The following SULT1C3 variants were observed in gnomAD, a reference collection of about 807,000 sequenced individuals.
The protein encoded by SULT1C3 is sulfotransferase 1C3.
A neutral mutation model predicts 28.4 loss-of-function variants in SULT1C3; 31 were observed. That is an observed-to-expected ratio of 1.09 (90% CI 0.82 to 1.47). The LOEUF is 1.47. Among genes scored for constraint, SULT1C3 ranks in the 40% most tolerant of loss-of-function variants. The pLI is 0.00. For synonymous variants in SULT1C3, 106 were observed against 92.2 expected (o/e 1.15, Z -0.86); for missense variants, 307 against 272.5 (o/e 1.13, Z -0.89).
intron 2 of SULT1C3, 37 bp from the exon 3 acceptor site, chr2:108,252,327 AT>A: frequency 2.6e-6 from 4 of 1,565,332 alleles, no homozygotes; most frequent in Non-Finnish European, 3.5e-6. Context: ...TGAAAGTTCA[AT>A]TGACTAAAAT....
intron 1 of SULT1C3, among the ~76,000 whole-genome samples, chr2:108,240,585 C>A (rs560730142): frequency 2.6e-5 from 4 of 152,274 alleles, no homozygotes; most frequent in Admixed American, 2.6e-4. Context: ...TATTACCTGG[C>A]AGAATTTGCA....
rs183770611 is a variant in SULT1C3 at position 108,244,174 on chromosome 2, A to C, written c.-7-3014A>C. On this transcript the variant is annotated intron_variant, in intron 1 of 7. Transcript: ENST00000681802. ...TAATTATAAATTCACAGAGAATATA[A>C]ACAATGATCCTTATTATCCCCTTTA... Among the ~76,000 whole-genome samples, 3 of 152,342 alleles carry C rather than the reference A, an allele frequency of 2.0e-5. No homozygotes were observed. In the East Asian group the frequency reaches 5.8e-4, roughly 29 times the overall value.
rs57877766 is a variant in SULT1C3, at chr2:108,254,787, A to G, written c.400-785A>G. On this transcript the variant is annotated intron_variant, in intron 4 of 7. Transcript: ENST00000681802. Reference sequence around the variant, plus strand: ...TATGTATGTATGCATATATATGTATATATGTATGTATGCATATATATGTAT... The same window carrying G: ...TATGTATGTATGCATATATATGTATGTATGTATGTATGCATATATATGTAT... 0.027 allele frequency among the ~76,000 whole-genome samples: 4,146 copies of G among 151,110 alleles called. 401 individuals carry two copies. The East Asian group carries it at 0.32, about 12-fold the overall frequency.
intron 1 of SULT1C3, among the ~76,000 whole-genome samples, chr2:108,244,409 C>T (rs188103931): frequency 2.8e-3 from 428 of 152,262 alleles, no homozygotes; most frequent in Non-Finnish European, 5.1e-3. Context: ...AAAAATACTA[C>T]AGAAAGGAGT....
chr2:108,257,220 GA>G (rs969249021), intron 5 of SULT1C3, among the ~76,000 whole-genome samples: 168 of 151,600 alleles, frequency 1.1e-3, no homozygotes, highest in African/African-American at 3.9e-3. Flanking sequence ...GGTCTTAAGA[GA>G]AAAAAAACTC....
At position 108,253,413 on chromosome 2, in the gene SULT1C3, C is replaced by A; in HGVS notation, c.370C>A (p.Pro124Thr). The change falls in exon 4 of 8, where the codon CCA becomes ACA. Residue 124 changes from proline to threonine, a missense_variant. Coordinates refer to ENST00000681802, the MANE Select transcript of SULT1C3 (RefSeq NM_001320878.2). ...IKTHLPSHLI[P>T]PSIWKENCKI... ...AACACATCTCCCTTCACATCTGATTCCACCATCTATCTGGAAAGAAAACTG... is the reference window on the plus strand; with the variant it reads ...AACACATCTCCCTTCACATCTGATTACACCATCTATCTGGAAAGAAAACTG... 1 of 1,560,372 alleles carries A rather than the reference C, an allele frequency of 6.4e-7. No individual in the cohort carries two copies. The highest frequency in any genetic ancestry group is 1.2e-5 in the South Asian group (1 of 80,288).
downstream of SULT1C3, among the ~76,000 whole-genome samples, chr2:108,264,616 C>T (rs1308600668): frequency 6.6e-6 from 1 of 152,156 alleles, no homozygotes; most frequent in Non-Finnish European, 1.5e-5. Context: ...CAAGGTAAGC[C>T]TCTTGAGGGC....
chr2:108,259,708 A>G (rs566413205), intron 7 of SULT1C3, among the ~76,000 whole-genome samples: 9 of 152,242 alleles, frequency 5.9e-5, no homozygotes, highest in African/African-American at 4.8e-5. Flanking sequence ...TCATACCTCA[A>G]AACAACTCAG....
In SULT1C3 at chr2:108,253,332, T is replaced by C. The variant is rs1675780881; in HGVS notation, c.302-13T>C. 2.0e-6 allele frequency: 3 copies of C among 1,490,894 alleles called. No individual in the cohort carries two copies. Among genetic ancestry groups the C allele is most frequent in the Non-Finnish European group, 1.8e-6 (2 of 1,114,392 alleles). 92.4% of individuals were successfully genotyped at this position (1,490,894 alleles called of 1,614,324 possible). On this transcript the variant is annotated splice_polypyrimidine_tract_variant and intron_variant, in intron 3 of 7. Transcript: ENST00000681802. Reference sequence around the variant, plus strand: ...CCAAGAATAAACAAAGAATATAAATTGTTTCTTGCTAGATTTGGAGTTCGT... The same window carrying C: ...CCAAGAATAAACAAAGAATATAAATCGTTTCTTGCTAGATTTGGAGTTCGT...
At chr2:108,252,263 T>C in intron 2 of SULT1C3, 102 bp from the exon 3 acceptor site, 1 of 1,179,316 alleles carries the variant, frequency 8.5e-7, no homozygotes, top group Admixed American at 2.7e-5. Flanking sequence ...ATTGATCTAA[T>C]TTTAAAGTGC....
chr2:108,252,330 GACTA>G, intron 2 of SULT1C3, 31 bp from the exon 3 acceptor site: 1 of 1,569,462 alleles, frequency 6.4e-7, no homozygotes, highest in Non-Finnish European at 8.6e-7. Flanking sequence ...AAGTTCAATT[GACTA>G]AAATTAAAGA....
At chr2:108,254,535 C>G (rs1675813098) in intron 4 of SULT1C3, among the ~76,000 whole-genome samples, 1 of 151,890 alleles carries the variant, frequency 6.6e-6, no homozygotes, top group African/African-American at 2.4e-5. Context: ...GAGCTCCTGA[C>G]AGGCAGGGAC....
At chr2:108,265,313 A>G, downstream of SULT1C3, 1 of 1,613,990 alleles carries the variant, frequency 6.2e-7, no homozygotes, top group Non-Finnish European at 8.5e-7. Context: ...CCAGAAGAAG[A>G]TGGCAGGAAG....
downstream of SULT1C3, among the ~76,000 whole-genome samples, chr2:108,261,295 C>T (rs555936600): frequency 1.1e-4 from 17 of 152,168 alleles, no homozygotes; most frequent in African/African-American, 4.1e-4. Flanking sequence ...TCAGTGAGTA[C>T]TCCTGTAAAA....
rs761408627 is a variant in SULT1C3, at chr2:108,247,172, A to C, written c.-7-16A>C. 1.3e-6 allele frequency: 2 copies of C among 1,493,966 alleles called. No individual in the cohort carries two copies. Among genetic ancestry groups the C allele is most frequent in the Non-Finnish European group, 1.8e-6 (2 of 1,119,566 alleles). 92.5% of individuals were successfully genotyped at this position (1,493,966 alleles called of 1,614,324 possible). ...TTTTTAAAAATTTTAATTAGTATTG[A>C]TCTTACCCATCCCAGATTCCCAATG... On this transcript the variant is annotated splice_polypyrimidine_tract_variant and intron_variant, in intron 1 of 7. Coordinates refer to ENST00000681802, the MANE Select transcript of SULT1C3 (RefSeq NM_001320878.2).
intron 7 of SULT1C3, 122 bp from the exon 8 acceptor site, chr2:108,260,446 G>A (rs79597181): frequency 0.073 from 25,031 of 341,388 alleles, 1,295 homozygotes; most frequent in African/African-American, 0.17. Flanking sequence ...ACCAGAGGGA[G>A]TGGGACTGAG....
Position 108,247,262 on chromosome 2 carries a change from T to C in SULT1C3, c.68T>C (p.Val23Ala). ...CCAGAACTGTTTAACATCATGGAAG[T>C]AGATGGAGTCCCTACGTTGATATTA... ...KKPELFNIME[V>A]DGVPTLILSK... The change falls in exon 2 of 8, where the codon GTA (valine) becomes GCA (alanine). Residue 23 changes from valine (V) to alanine (A), a missense_variant. Transcript: ENST00000681802. 1 of 1,595,368 alleles carries C rather than the reference T, an allele frequency of 6.3e-7. No individual in the cohort carries two copies. Among genetic ancestry groups the C allele is most frequent in the Non-Finnish European group, 8.5e-7 (1 of 1,169,744 alleles).
At position 108,260,737 on chromosome 2, in the gene SULT1C3, C is replaced by G. The variant is rs1043054163; in HGVS notation, c.*57C>G. Reference sequence around the variant, plus strand: ...TATGCCAACTATTTCGCCTTTTATTCTGTTGAGCAAGGAACTGTGACTGAA... The same window carrying G: ...TATGCCAACTATTTCGCCTTTTATTGTGTTGAGCAAGGAACTGTGACTGAA... On this transcript the variant is annotated 3_prime_UTR_variant, in exon 8 of 8. Transcript: ENST00000681802. The G allele has an allele frequency of 2.9e-5, 13 of 447,324 alleles. No homozygotes were observed. The highest frequency in any genetic ancestry group is 4.5e-6 in the Non-Finnish European group (1 of 221,992). The allele number at this position is 447,324 out of a possible 1,614,324, so 27.7% of individuals were successfully genotyped here. A position where few individuals can be genotyped will look rare whatever the true frequency, so the allele number is the denominator to read the frequency against.
chr2:108,264,442 A>G (rs1676086920), downstream of SULT1C3, among the ~76,000 whole-genome samples: 1 of 152,134 alleles, frequency 6.6e-6, no homozygotes, highest in African/African-American at 2.4e-5. Flanking sequence ...ACTATGCTTC[A>G]CCACCAACAT....
Sources: allele counts gnomAD v4.1 joint callset (sites outside exome capture counted in the v4.1 genomes callset), GRCh38; gene constraint gnomAD v4.1.1; transcripts MANE v1.5; gene names NCBI Gene and HGNC (gene_info 2026-07-23, HGNC 2026-07-21).